Variants in TNRC6C observed in about 807,000 individuals in gnomAD.
The protein encoded by TNRC6C is trinucleotide repeat-containing gene 6C protein.
TNRC6C carries 20 observed loss-of-function variants against 153.7 expected under a neutral mutation model. The observed-to-expected ratio is 0.13, with a 90% CI of 0.09 to 0.19. The LOEUF is 0.19. Among genes scored for constraint, TNRC6C ranks in the 10% least tolerant of loss-of-function variants. TNRC6C has a pLI of 1.00. For synonymous variants in TNRC6C, 811 were observed against 841.4 expected (o/e 0.96, Z 0.63); for missense variants, 1,987 against 2,172.0 (o/e 0.91, Z 1.69).
chr17:77,986,413 CAAAA>C (rs764905338), intron 1 of TNRC6C, among the ~76,000 whole-genome samples: 1 of 54,300 alleles, frequency 1.8e-5, no homozygotes, highest in Non-Finnish European at 4.6e-5. Flanking sequence ...AACTCCATCT[CAAAA>C]AAAAAAAAAA....
At chr17:78,044,983 T>C (rs1235026315) in intron 2 of TNRC6C, among the ~76,000 whole-genome samples, 36 of 152,138 alleles carry the variant, frequency 2.4e-4, no homozygotes, top group Admixed American at 2.4e-3. Flanking sequence ...AACAGCCCTG[T>C]CTTTGGGAGG....
At chr17:77,975,935 T>C (rs1205967226) in intron 1 of TNRC6C, among the ~76,000 whole-genome samples, 1 of 152,232 alleles carries the variant, frequency 6.6e-6, no homozygotes, top group Non-Finnish European at 1.5e-5. Context: ...CTTTCTCAAC[T>C]GATCATGGTC....
At chr17:77,965,287 C>T (rs957111444) in intron 1 of TNRC6C, among the ~76,000 whole-genome samples, 1 of 152,186 alleles carries the variant, frequency 6.6e-6, no homozygotes, top group Non-Finnish European at 1.5e-5. Context: ...TGAGTCTCTT[C>T]CTCTGTTCTG....
At chr17:78,019,588 CAA>C (rs1488331100) in intron 1 of TNRC6C, among the ~76,000 whole-genome samples, 2 of 152,168 alleles carry the variant, frequency 1.3e-5, no homozygotes, top group South Asian at 2.1e-4. Flanking sequence ...ATTTAAAAAA[CAA>C]AAGGCAAAAG....
intron 11 of TNRC6C, among the ~76,000 whole-genome samples, chr17:78,084,473 G>A (rs1436760249): frequency 2.6e-5 from 4 of 152,012 alleles, no homozygotes; most frequent in Non-Finnish European, 5.9e-5. Context: ...TTTTCTGTAA[G>A]CAGCAGGGGA....
Position 78,056,550 on chromosome 17 carries a change from GC to G in TNRC6C, c.2395+5095del, listed in dbSNP as rs578176577. Among the ~76,000 whole-genome samples, 1,373 of 150,926 alleles carry G rather than the reference GC, an allele frequency of 9.1e-3. 22 individuals are homozygous for G. The highest frequency in any genetic ancestry group is 0.031 in the African/African-American group (1,279 of 41,032). ...ACAATCTCAGCTCACTGCAAGCTCC[GC>G]CTCCCAGGTTCACGCCATTCTCGTG... On this transcript the variant is annotated intron_variant, in intron 3 of 19. Coordinates refer to ENST00000301624, the Ensembl canonical transcript of TNRC6C.
At position 78,051,434 on chromosome 17, in the gene TNRC6C, C is replaced by G; in HGVS notation, c.2372C>G (p.Pro791Arg). 3 of 1,501,338 alleles carry G rather than the reference C, an allele frequency of 2.0e-6. No individual in the cohort carries two copies. The South Asian group carries it at 4.0e-5, about 20-fold the overall frequency. 93.0% of individuals were successfully genotyped at this position (1,501,338 alleles called of 1,614,324 possible). Residue 791 changes from proline to arginine, a missense_variant, in exon 3 of 20, where the codon CCG becomes CGG. Pro to Arg is a moderately radical substitution (Grantham distance 103). Around this residue, in one of 4 missense-constraint regions of TNRC6C, gnomAD observed 1,052 missense variants for 1,017.0 expected, o/e 1.03. Transcript: ENST00000301624. ...GCCGGTACTCAGCTGAATCGATCACCGTTGCTTGGTCCAGGTAGGAAAGGT... is the reference window on the plus strand; with the variant it reads ...GCCGGTACTCAGCTGAATCGATCACGGTTGCTTGGTCCAGGTAGGAAAGGT...
chr17:77,985,417 C>G (rs1001981931), intron 1 of TNRC6C, among the ~76,000 whole-genome samples: 1 of 151,650 alleles, frequency 6.6e-6, no homozygotes, highest in Non-Finnish European at 1.5e-5. Flanking sequence ...CACGGTGAAA[C>G]CCCGTCTCTA....
At chr17:77,986,461 G>A (rs1393080242) in intron 1 of TNRC6C, among the ~76,000 whole-genome samples, 4 of 150,544 alleles carry the variant, frequency 2.7e-5, no homozygotes, top group African/African-American at 9.8e-5. Flanking sequence ...CACTGAAAGA[G>A]GGAAAAAATG....
At chr17:78,065,227 CT>C (rs768830349) in intron 4 of TNRC6C, among the ~76,000 whole-genome samples, 5 of 151,918 alleles carry the variant, frequency 3.3e-5, no homozygotes, top group Non-Finnish European at 7.4e-5. Flanking sequence ...TGGCACATGC[CT>C]GTAATCCCAG....
chr17:78,006,834 T>A (rs1250781577), intron 1 of TNRC6C, among the ~76,000 whole-genome samples: 204 of 150,130 alleles, frequency 1.4e-3, no homozygotes, highest in African/African-American at 4.9e-3. Flanking sequence ...ATTTATTTTT[T>A]TTTTTTTTGA....
At chr17:78,014,462 G>A (rs189254433) in intron 1 of TNRC6C, among the ~76,000 whole-genome samples, 43 of 151,988 alleles carry the variant, frequency 2.8e-4, no homozygotes, top group African/African-American at 1.0e-3. Flanking sequence ...AAATAAGCCT[G>A]TTGTTTAAAA....
At chr17:78,009,845 C>T (rs2071592736) in intron 1 of TNRC6C, among the ~76,000 whole-genome samples, 1 of 151,764 alleles carries the variant, frequency 6.6e-6, no homozygotes, top group Non-Finnish European at 1.5e-5. Context: ...GAGCCACTGC[C>T]CCTGGCCTGA....
rs1421836700 is a variant in TNRC6C at position 78,049,699 on chromosome 17, G to C, written c.637G>C (p.Gly213Arg). The change falls in exon 3 of 20, where the codon GGT (glycine) becomes CGT (arginine). Residue 213 changes from glycine (G) to arginine (R), a missense_variant. By Grantham distance (125) the Gly-to-Arg change is moderately radical. Coordinates refer to ENST00000301624, the Ensembl canonical transcript of TNRC6C. The surrounding 1 kb of genome is among the most constrained non-coding windows in gnomAD (Gnocchi z 4.1). ...ACTGCCAAACTGGGGCATGGCTGTT[G>C]GTATGGGGGCCATCATCCCGCCCCA... is the stretch of plus-strand genomic sequence containing the variant. 6.2e-7 allele frequency: 1 copy of C among 1,605,582 alleles called. No homozygotes were observed. The highest frequency in any genetic ancestry group is 2.2e-5 in the East Asian group (1 of 44,760).
chr17:78,035,163 G>C (rs1284236868), intron 2 of TNRC6C, among the ~76,000 whole-genome samples: 2 of 152,120 alleles, frequency 1.3e-5, no homozygotes, highest in African/African-American at 2.4e-5. Context: ...GACTTTGTTT[G>C]ATTTTGTCAG....
chr17:78,035,227 T>C (rs1199825018), intron 2 of TNRC6C, among the ~76,000 whole-genome samples: 2 of 152,114 alleles, frequency 1.3e-5, no homozygotes, highest in South Asian at 4.1e-4. Context: ...GGCACAGGGA[T>C]TGTAGGTGAG....
chr17:78,031,369 G>T, intron 1 of TNRC6C, 147 bp from the exon 4 acceptor site: 1 of 540,494 alleles, frequency 1.9e-6, no homozygotes, highest in Non-Finnish European at 2.8e-6. Flanking sequence ...TCTCAAACTT[G>T]GAACTCTAGA....
chr17:77,968,553 G>T (rs2070916793), intron 1 of TNRC6C, among the ~76,000 whole-genome samples: 1 of 150,804 alleles, frequency 6.6e-6, no homozygotes, highest in African/African-American at 2.4e-5. Context: ...TGTTGGCCAG[G>T]ATGGTCTCTT....
chr17:78,008,049 A>T (rs529017419), intron 1 of TNRC6C, among the ~76,000 whole-genome samples: 10 of 152,324 alleles, frequency 6.6e-5, no homozygotes, highest in African/African-American at 2.4e-4. Flanking sequence ...GAGAATATTA[A>T]CTAGTCTAAT....
Sources: gnomAD v4.1 joint callset for allele counts (sites outside exome capture counted in the v4.1 genomes callset) on GRCh38, gnomAD v4.1.1 for gene constraint, gnomAD v4.1.1 regional missense constraint, Gnocchi (gnomAD v3.1) non-coding constraint, MANE v1.5 for transcripts, NCBI Gene and HGNC (gene_info 2026-07-23, HGNC 2026-07-21) for gene names.